HSPB8: variants seen among roughly 807,000 people sequenced by gnomAD.
HSPB8 encodes the protein heat shock protein beta-8.
Under a neutral mutation model 16.5 loss-of-function variants are expected in HSPB8, and 9 were observed. The ratio of observed to expected loss-of-function variants is 0.55; its 90% CI spans 0.33 to 0.95. The LOEUF is 0.95. HSPB8 is among the 40% of genes least tolerant of loss of function. The probability of loss-of-function intolerance (pLI) is 0.03; values close to 1 mark genes in which losing one functional copy is unlikely to be tolerated. For synonymous variants in HSPB8, 99 were observed against 94.8 expected, an observed-to-expected ratio of 1.04 and a Z score of -0.26; for missense variants, 238 against 251.2, an observed-to-expected ratio of 0.95 and a Z score of 0.35.
rs1592927524 is a variant in HSPB8, at chr12:119,179,583, T to G, written c.271T>G (p.Phe91Val). ...VPAEGRTPPPFPGEPWKVCVN... is the reference protein window; with the variant it reads ...VPAEGRTPPPVPGEPWKVCVN... ...TGCCGAGGGCAGGACCCCCCCACCC[T>G]TCCCTGGGGAGCCCTGGAAAGTGTG... Residue 91 changes from phenylalanine (F) to valine (V), a missense_variant, in exon 1 of 3, where the codon TTC (phenylalanine) becomes GTC (valine). By Grantham distance (50) the Phe-to-Val change is conservative. Transcript: ENST00000281938. 6.2e-7 allele frequency: 1 copy of G among 1,601,412 alleles called. No individual in the cohort carries two copies. The highest frequency in any genetic ancestry group is 2.3e-5 in the East Asian group (1 of 44,048).
chr12:119,187,109 G>A (rs916859205), intron 2 of HSPB8, 21 bp downstream of exon 2: 8 of 1,606,174 alleles, frequency 5.0e-6, no homozygotes, highest in Non-Finnish European at 6.8e-6. Context: ...TGGAGTCATG[G>A]AGCTCAGGGT....
At chr12:119,183,919 G>A (rs1954655552) in intron 1 of HSPB8, among the ~76,000 whole-genome samples, 1 of 152,148 alleles carries the variant, frequency 6.6e-6, no homozygotes, top group Non-Finnish European at 1.5e-5. Flanking sequence ...TAAACCACAA[G>A]TGTTTACCTT....
chr12:119,189,302 G>GTGT (rs1555223133), intron 2 of HSPB8, among the ~76,000 whole-genome samples: 13 of 143,408 alleles, frequency 9.1e-5, no homozygotes, highest in African/African-American at 1.6e-4. Context: ...TCTTAAAAGG[G>GTGT]GTGTGTGTGT....
At chr12:119,189,972 A>T (rs1292674074) in intron 2 of HSPB8, among the ~76,000 whole-genome samples, 1 of 152,120 alleles carries the variant, frequency 6.6e-6, no homozygotes, top group Non-Finnish European at 1.5e-5. Context: ...AAATATTTTG[A>T]ATCTCAGCTC....
intron 1 of HSPB8, among the ~76,000 whole-genome samples, chr12:119,184,832 AG>A (rs1299505419): frequency 1.3e-5 from 2 of 152,224 alleles, no homozygotes; most frequent in Non-Finnish European, 2.9e-5. Flanking sequence ...ACCCCAAAGT[AG>A]GGGATTGGTT....
intron 1 of HSPB8, among the ~76,000 whole-genome samples, chr12:119,181,557 T>C (rs778772241): frequency 2.6e-5 from 4 of 152,226 alleles, no homozygotes; most frequent in Admixed American, 1.3e-4. Context: ...GCTTAGTGAT[T>C]TGGGGGCCCC....
chr12:119,179,335 TCTC>T lies in HSPB8; in HGVS notation c.26_28del (p.Ser9del). The T allele has an allele frequency of 6.2e-7, 1 of 1,613,868 alleles. No individual in the cohort carries two copies. Among genetic ancestry groups the T allele is most frequent in the Non-Finnish European group, 8.5e-7 (1 of 1,180,008 alleles). Reference sequence around the variant, plus strand: ...ACCATGGCTGACGGTCAGATGCCCTTCTCCTGCCACTACCCAAGCCGCCTGCGC... The same window carrying T: ...ACCATGGCTGACGGTCAGATGCCCTTCTGCCACTACCCAAGCCGCCTGCGC... On this transcript the variant is annotated inframe_deletion, in exon 1 of 3. Transcript: ENST00000281938.
Position 119,179,278 on chromosome 12 carries a change from T to G in HSPB8, c.-35T>G. ...CCTTGGGCAGGTGGTTCTGTCTCTC[T>G]GAGCCTCTGTTTCTCTCTGAGCTGA... is the stretch of plus-strand genomic sequence containing the variant. On this transcript the variant is annotated 5_prime_UTR_variant, in exon 1 of 3. Coordinates refer to ENST00000281938, the MANE Select transcript of HSPB8 (RefSeq NM_014365.3). The G allele has an allele frequency of 1.2e-6, 2 of 1,610,304 alleles. No individual in the cohort carries two copies. Among genetic ancestry groups the G allele is most frequent in the Non-Finnish European group, 1.7e-6 (2 of 1,178,378 alleles).
Position 119,193,947 on chromosome 12 carries a change from A to G in HSPB8, c.*89A>G. The G allele has an allele frequency of 1.4e-6, 2 of 1,432,924 alleles. No individual in the cohort carries two copies. The highest frequency in any genetic ancestry group is 2.0e-6 in the Non-Finnish European group (2 of 1,017,618). The allele number at this position is 1,432,924 out of a possible 1,614,324, so 88.8% of individuals were successfully genotyped here. ...CATTACTTTAGCTGAACTCAGATTTAGTGCAAGTAAAATGTTAGAGGGTGC... is the reference window on the plus strand; with the variant it reads ...CATTACTTTAGCTGAACTCAGATTTGGTGCAAGTAAAATGTTAGAGGGTGC... On this transcript the variant is annotated 3_prime_UTR_variant, in exon 3 of 3. Coordinates refer to ENST00000281938, the MANE Select transcript of HSPB8 (RefSeq NM_014365.3).
At position 119,194,106 on chromosome 12, in the gene HSPB8, T is replaced by C. The variant is rs1954729957; in HGVS notation, c.*248T>C. 5 of 546,164 alleles carry C rather than the reference T, an allele frequency of 9.2e-6. No homozygotes were observed. The highest frequency in any genetic ancestry group is 1.6e-5 in the Non-Finnish European group (5 of 303,342). 33.8% of individuals were successfully genotyped at this position (546,164 alleles called of 1,614,324 possible). On this transcript the variant is annotated 3_prime_UTR_variant, in exon 3 of 3. Transcript: ENST00000281938. ...TTTGCTTTCTTTACCTTTTCTATCT[T>C]GATGAAAATGTTGCACATTCTATAG...
intron 2 of HSPB8, among the ~76,000 whole-genome samples, chr12:119,190,152 T>C (rs1009305951): frequency 6.6e-6 from 1 of 152,046 alleles, no homozygotes; most frequent in Non-Finnish European, 1.5e-5. Context: ...GCTTGGTCCA[T>C]GGGAATTAAT....
At chr12:119,180,274 A>T (rs1310729992) in intron 1 of HSPB8, among the ~76,000 whole-genome samples, 1 of 152,332 alleles carries the variant, frequency 6.6e-6, no homozygotes, top group East Asian at 1.9e-4. Context: ...GGAGGTGGGT[A>T]CTGTTTATCT....
At position 119,187,092 on chromosome 12, in the gene HSPB8, A is replaced by G; in HGVS notation, c.431+4A>G. 3 of 1,612,364 alleles carry G rather than the reference A, an allele frequency of 1.9e-6. No individual in the cohort carries two copies. The highest frequency in any genetic ancestry group is 2.5e-6 in the Non-Finnish European group (3 of 1,178,454). On this transcript the variant is annotated splice_donor_region_variant and intron_variant, in intron 2 of 2. Transcript: ENST00000281938. Reference sequence around the variant, plus strand: ...AGAACTTCACAAAGAAAATCCAGTAAGTAACCTGGAGTCATGGAGCTCAGG... The same window carrying G: ...AGAACTTCACAAAGAAAATCCAGTAGGTAACCTGGAGTCATGGAGCTCAGG...
In HSPB8 at chr12:119,194,255, C is replaced by G. The variant is rs1954730937; in HGVS notation, c.*397C>G. The G allele has an allele frequency of 1.0e-5, 3 of 298,488 alleles. No individual in the cohort carries two copies. The highest frequency in any genetic ancestry group is 1.0e-4 in the South Asian group (3 of 29,970). 18.5% of individuals were successfully genotyped at this position (298,488 alleles called of 1,614,324 possible). The stretch of plus-strand genomic sequence containing the variant: ...GGTTCCTACTCTGGGCTCCCGATTC[C>G]CATGGCTCCCAAACCATGCCGCATG... On this transcript the variant is annotated 3_prime_UTR_variant, in exon 3 of 3. Transcript: ENST00000281938.
chr12:119,193,518 A>G (rs186070108), intron 2 of HSPB8, among the ~76,000 whole-genome samples, 181 bp from the exon 3 acceptor site: 16 of 152,348 alleles, frequency 1.1e-4, no homozygotes, highest in Admixed American at 7.8e-4. Flanking sequence ...ACAAGCTCAG[A>G]GCAACTGAAT....
In HSPB8 at chr12:119,194,007, T is replaced by C. The variant is rs942786457; in HGVS notation, c.*149T>C. On this transcript the variant is annotated 3_prime_UTR_variant, in exon 3 of 3. Transcript: ENST00000281938. ...GACTGACCACAGATTCCCTGGATAG[T>C]GTAGTGGTAGATTTCTCCACAGGAT... 2.3e-6 allele frequency: 2 copies of C among 855,858 alleles called. No homozygotes were observed. Among genetic ancestry groups the C allele is most frequent in the African/African-American group, 1.7e-5 (1 of 59,510 alleles). The allele number at this position is 855,858 out of a possible 1,614,324, so 53.0% of individuals were successfully genotyped here. A position where few individuals can be genotyped will look rare whatever the true frequency, so the allele number is the denominator to read the frequency against.
At chr12:119,188,540 G>A (rs1017406434) in intron 2 of HSPB8, among the ~76,000 whole-genome samples, 15 of 151,522 alleles carry the variant, frequency 9.9e-5, no homozygotes, top group Admixed American at 2.6e-4. Flanking sequence ...GAGCCACTGC[G>A]CCTGGCCCCT....
chr12:119,193,570 G>T (rs1387452041), intron 2 of HSPB8, 129 bp from the exon 3 acceptor site: 2 of 965,560 alleles, frequency 2.1e-6, no homozygotes, highest in African/African-American at 3.2e-5. Flanking sequence ...GTAGAGCCAG[G>T]ATTCAAACCC....
At position 119,187,086 on chromosome 12, in the gene HSPB8, C is replaced by A. The variant is rs1164803330; in HGVS notation, c.429C>A (p.Ile143=). 1 of 1,613,490 alleles carries A rather than the reference C, an allele frequency of 6.2e-7. No individual in the cohort carries two copies. Among genetic ancestry groups the A allele is most frequent in the East Asian group, 2.2e-5 (1 of 44,872 alleles). Residue 143 remains isoleucine, a splice_region_variant and synonymous_variant, in exon 2 of 3, where the codon ATC becomes ATA. Transcript: ENST00000281938. ...GIVSKNFTKK[I]QLPAEVDPVT... ...TTTCTAAGAACTTCACAAAGAAAATCCAGTAAGTAACCTGGAGTCATGGAG... is the reference window on the plus strand; with the variant it reads ...TTTCTAAGAACTTCACAAAGAAAATACAGTAAGTAACCTGGAGTCATGGAG...
Sources: gnomAD v4.1 joint callset for allele counts (sites outside exome capture counted in the v4.1 genomes callset) on GRCh38, gnomAD v4.1.1 for gene constraint, MANE v1.5 for transcripts, NCBI Gene and HGNC (gene_info 2026-07-23, HGNC 2026-07-21) for gene names.